The following FBXO31 variants were observed in gnomAD, a reference collection of about 807,000 sequenced individuals.
FBXO31 encodes the protein F-box only protein 31.
FBXO31 carries 24 observed loss-of-function variants against 54.4 expected under a neutral mutation model. The observed-to-expected ratio is 0.44, with a 90% CI of 0.32 to 0.62. FBXO31 has a LOEUF of 0.62. FBXO31 is among the 20% of genes least tolerant of loss of function. The pLI is 0.05. For missense variants in FBXO31, 665 were observed against 787.1 expected (o/e 0.84, Z 1.86); for synonymous variants, 388 against 335.6 (o/e 1.16, Z -1.71).
At chr16:87,347,725 G>A (rs1301654397) in intron 2 of FBXO31, among the ~76,000 whole-genome samples, 1 of 147,656 alleles carries the variant, frequency 6.8e-6, no homozygotes, top group Non-Finnish European at 1.5e-5. Context: ...ACTATCCTCA[G>A]AAGGCCTAAG....
At chr16:87,348,588 T>C (rs1441520051) in intron 2 of FBXO31, among the ~76,000 whole-genome samples, 1 of 151,808 alleles carries the variant, frequency 6.6e-6, no homozygotes, top group African/African-American at 2.4e-5. Context: ...ACATATAGGG[T>C]GCTTTGTGGA....
chr16:87,365,037 A>ATATATATATATATC (rs1489132121), intron 1 of FBXO31, among the ~76,000 whole-genome samples: 8 of 106,868 alleles, frequency 7.5e-5, no homozygotes, highest in Non-Finnish European at 1.2e-4. Context: ...ATATATATAT[A>ATATATATATATATC]TATCAGGCAG....
At position 87,342,947 on chromosome 16, in the gene FBXO31, A is replaced by C; in HGVS notation, c.662T>G (p.Val221Gly). The change falls in exon 5 of 9, where the codon GTG becomes GGG. Residue 221 changes from valine (V) to glycine (G), a missense_variant. By Grantham distance (109) the Val-to-Gly change is moderately radical (BLOSUM62 -3). Coordinates refer to ENST00000311635, the MANE Select transcript of FBXO31 (RefSeq NM_024735.5). Reference sequence around the variant, plus strand: ...CTTGGTGGAGAACTCATCCTTCTTCACAATCTTCAGTGTTTGCAACACAAG... The same window carrying C: ...CTTGGTGGAGAACTCATCCTTCTTCCCAATCTTCAGTGTTTGCAACACAAG... ...KGPHHGHIQI[V>G]KKDEFSTKCN... The C allele has an allele frequency of 6.2e-7, 1 of 1,606,608 alleles. No homozygotes were observed. Among genetic ancestry groups the C allele is most frequent in the Non-Finnish European group, 8.5e-7 (1 of 1,176,612 alleles).
intron 2 of FBXO31, 56 bp from the exon 3 acceptor site, chr16:87,347,306 G>GC: frequency 6.7e-7 from 1 of 1,493,768 alleles, no homozygotes; most frequent in Admixed American, 1.7e-5. Flanking sequence ...GCCGCAGGGA[G>GC]CCCAGGAACC....
chr16:87,379,090 CCACT>C (rs1297847333), intron 1 of FBXO31, among the ~76,000 whole-genome samples: 1 of 152,130 alleles, frequency 6.6e-6, no homozygotes, highest in Non-Finnish European at 1.5e-5. Flanking sequence ...AACTCTGTGA[CCACT>C]CAGAGTTATG....
chr16:87,349,696 C>T (rs1905558445), intron 2 of FBXO31, among the ~76,000 whole-genome samples: 1 of 147,312 alleles, frequency 6.8e-6, no homozygotes, highest in South Asian at 2.2e-4. Context: ...GGCAACAGAG[C>T]AAGACTCCAT....
chr16:87,333,984 C>T lies in FBXO31; in HGVS notation c.1299G>A (p.Ala433=), dbSNP rs112899975. 1.9e-5 allele frequency: 30 copies of T among 1,612,836 alleles called. No homozygotes were observed. The highest frequency in any genetic ancestry group is 1.1e-4 in the East Asian group (5 of 44,866). The part of the protein sequence containing the change: ...DGGEPGDAVA[A]AEQPAQCGQG... Reference sequence around the variant, plus strand: ...GCCCACACTGGGCAGGCTGCTCGGCCGCAGCTACGGCATCCCCAGGCTCGC... The same window carrying T: ...GCCCACACTGGGCAGGCTGCTCGGCTGCAGCTACGGCATCCCCAGGCTCGC... Residue 433 remains alanine (A), a synonymous_variant, in exon 8 of 9, where the codon GCG becomes GCA. Coordinates refer to ENST00000311635, the MANE Select transcript of FBXO31 (RefSeq NM_024735.5).
At chr16:87,334,378 C>A in intron 7 of FBXO31, 92 bp from the exon 8 acceptor site, 1 of 1,215,860 alleles carries the variant, frequency 8.2e-7, no homozygotes, top group South Asian at 1.5e-5. Context: ...TCTGGCTGAG[C>A]GAGCTGGCAC....
upstream of FBXO31, among the ~76,000 whole-genome samples, chr16:87,386,482 G>T (rs547015777): frequency 2.6e-3 from 400 of 152,296 alleles, no homozygotes; most frequent in African/African-American, 9.0e-3. Context: ...ACCCAGGCTG[G>T]AGTGCAGTGG....
At chr16:87,342,337 G>A (rs1286064521) in intron 5 of FBXO31, among the ~76,000 whole-genome samples, 1 of 152,142 alleles carries the variant, frequency 6.6e-6, no homozygotes, top group East Asian at 1.9e-4. Context: ...ATACAGGTGT[G>A]AGCCACCGCA....
chr16:87,344,564 T>C (rs1450748694), intron 3 of FBXO31, among the ~76,000 whole-genome samples: 2 of 152,128 alleles, frequency 1.3e-5, no homozygotes, highest in Admixed American at 1.3e-4. Context: ...CTCACGAGCC[T>C]GGGTCAAGCG....
chr16:87,380,332 G>C (rs1250785667), intron 1 of FBXO31, among the ~76,000 whole-genome samples: 1 of 149,928 alleles, frequency 6.7e-6, no homozygotes, highest in African/African-American at 2.5e-5. Flanking sequence ...GGAACCAAAA[G>C]CAAATATGAC....
In FBXO31 at chr16:87,345,869, G is replaced by A. The variant is rs147122857; in HGVS notation, c.489+1305C>T. 2.4e-4 allele frequency among the ~76,000 whole-genome samples: 37 copies of A among 152,148 alleles called. No individual in the cohort carries two copies. In the East Asian group the frequency reaches 6.2e-3, roughly 26 times the overall value. ...TGCAGGCTGGAGAGGCACACACGGA[G>A]ACCAGGTCTACACAGGAGCCAGGAC... On this transcript the variant is annotated intron_variant, in intron 3 of 8. Coordinates refer to ENST00000311635, the MANE Select transcript of FBXO31 (RefSeq NM_024735.5). This position sits in a 1 kb window ranked among gnomAD's most constrained non-coding sequence, Gnocchi z 4.9.
chr16:87,373,308 C>T (rs1449374410), intron 1 of FBXO31, among the ~76,000 whole-genome samples: 5 of 151,952 alleles, frequency 3.3e-5, no homozygotes, highest in African/African-American at 4.8e-5. Context: ...AAAAATTAGC[C>T]GAGCATGGTG....
chr16:87,382,187 G>C (rs1211285131), intron 1 of FBXO31, among the ~76,000 whole-genome samples: 3 of 152,208 alleles, frequency 2.0e-5, no homozygotes, highest in Admixed American at 1.3e-4. Context: ...TGAGGGACGA[G>C]TCTGTGCTAC....
chr16:87,375,898 G>C (rs1490493297), intron 1 of FBXO31, among the ~76,000 whole-genome samples: 1 of 152,164 alleles, frequency 6.6e-6, no homozygotes, highest in Non-Finnish European at 1.5e-5. Flanking sequence ...CCAGCTCCAA[G>C]CTGCCCCTGC....
At chr16:87,360,011 G>C (rs1906064510) in intron 2 of FBXO31, among the ~76,000 whole-genome samples, 1 of 152,164 alleles carries the variant, frequency 6.6e-6, no homozygotes, top group East Asian at 1.9e-4. Flanking sequence ...CAGCCTCCAG[G>C]AACACCCAAG....
At chr16:87,340,528 C>T (rs946584373) in intron 5 of FBXO31, among the ~76,000 whole-genome samples, 3 of 152,214 alleles carry the variant, frequency 2.0e-5, no homozygotes, top group African/African-American at 7.2e-5. Flanking sequence ...ATAGATCCAA[C>T]GGAACCAGAC....
At chr16:87,348,783 A>G (rs1045672697) in intron 2 of FBXO31, among the ~76,000 whole-genome samples, 1 of 152,210 alleles carries the variant, frequency 6.6e-6, no homozygotes, top group African/African-American at 2.4e-5. Flanking sequence ...CACCCACCAG[A>G]GCAGCAGGCA....
Sources: gnomAD v4.1 joint callset for allele counts (sites outside exome capture counted in the v4.1 genomes callset) on GRCh38, gnomAD v4.1.1 for gene constraint, Gnocchi (gnomAD v3.1) non-coding constraint, MANE v1.5 for transcripts, NCBI Gene and HGNC (gene_info 2026-07-23, HGNC 2026-07-21) for gene names.